Variants in PRDM10 observed in about 807,000 individuals in gnomAD.
PRDM10 encodes the protein PR/SET domain 10, also known as PR domain zinc finger protein 10.
In PRDM10, 65 loss-of-function variants were observed where a neutral mutation model predicts 133.1. The observed-to-expected ratio is 0.49, with a 90% CI of 0.40 to 0.60. PRDM10 has a LOEUF of 0.60. Among genes scored for constraint, PRDM10 ranks in the 20% least tolerant of loss-of-function variants. The pLI is 0.00. For missense variants in PRDM10, 1,137 were observed against 1,507.1 expected (o/e 0.75, Z 4.07); for synonymous variants, 582 against 580.4 (o/e 1.00, Z -0.04).
intron 4 of PRDM10, among the ~76,000 whole-genome samples, chr11:129,950,973 G>T (rs1210489555): frequency 6.6e-6 from 1 of 152,200 alleles, no homozygotes; most frequent in Non-Finnish European, 1.5e-5. Context: ...TGTGGCAAAA[G>T]GAAATGCTTA....
chr11:129,904,072 G>A (rs960195353), intron 20 of PRDM10, among the ~76,000 whole-genome samples: 1 of 147,316 alleles, frequency 6.8e-6, no homozygotes, highest in Non-Finnish European at 1.5e-5. Flanking sequence ...ACAATTAATA[G>A]TGTTACTCTG....
chr11:129,922,281 A>T (rs1950543005), intron 13 of PRDM10, among the ~76,000 whole-genome samples: 1 of 152,214 alleles, frequency 6.6e-6, no homozygotes, highest in Non-Finnish European at 1.5e-5. Context: ...ATCAAAAAAC[A>T]CTGGCTGGAT....
At chr11:129,988,476 C>A (rs1242551936) in intron 1 of PRDM10, among the ~76,000 whole-genome samples, 1 of 151,962 alleles carries the variant, frequency 6.6e-6, no homozygotes, top group African/African-American at 2.4e-5. Flanking sequence ...AAGTGATTCA[C>A]CTGCCTCGGC....
intron 1 of PRDM10, among the ~76,000 whole-genome samples, chr11:129,982,403 C>T (rs1729864340): frequency 6.6e-6 from 1 of 151,952 alleles, no homozygotes; most frequent in African/African-American, 2.4e-5. Context: ...GCTGGGATTA[C>T]AGGTGCCCAC....
rs78224330 is a variant in PRDM10, at chr11:129,937,719, T to G, written c.967-49A>C. 9.7e-4 allele frequency: 1,439 copies of G among 1,489,234 alleles called. 1 individual carries two copies. The highest frequency in any genetic ancestry group is 1.2e-3 in the Non-Finnish European group (1,255 of 1,078,204). The allele number at this position is 1,489,234 out of a possible 1,614,324, so 92.3% of individuals were successfully genotyped here. A position where few individuals can be genotyped will look rare whatever the true frequency, so the allele number is the denominator to read the frequency against. On this transcript the variant is annotated intron_variant, in intron 7 of 20. Transcript: ENST00000360871. ...AAGAACTGGGGACATCACCAGATGT[T>G]CTTTGCATGCTTAAATTATTTCTCC...
intron 11 of PRDM10, among the ~76,000 whole-genome samples, chr11:129,930,789 G>A (rs12272084): frequency 0.049 from 7,509 of 152,222 alleles, 541 homozygotes; most frequent in African/African-American, 0.16. Context: ...CCTCTGTGTC[G>A]TCACTAAATT....
chr11:129,991,542 G>T (rs1938745593), intron 1 of PRDM10, among the ~76,000 whole-genome samples: 1 of 152,140 alleles, frequency 6.6e-6, no homozygotes, highest in Non-Finnish European at 1.5e-5. Context: ...AAATTAGCTG[G>T]ACATGGTGGC....
chr11:129,937,577 A>G (rs747185034), intron 8 of PRDM10, 21 bp downstream of exon 8: 1 of 1,602,104 alleles, frequency 6.2e-7, no homozygotes. Context: ...TAGAAAATGT[A>G]AAACATAAAC....
intron 1 of PRDM10, among the ~76,000 whole-genome samples, chr11:129,973,238 G>T (rs867476564): frequency 6.6e-6 from 1 of 152,154 alleles, no homozygotes; most frequent in Non-Finnish European, 1.5e-5. Context: ...ACCTGCTAGG[G>T]TAAAAAGTGG....
In PRDM10 at chr11:129,960,974, A is replaced by G. The variant is rs1363251029; in HGVS notation, c.-10T>C. 3.7e-6 allele frequency: 6 copies of G among 1,613,936 alleles called. No individual in the cohort carries two copies. The highest frequency in any genetic ancestry group is 1.1e-5 in the South Asian group (1 of 91,068). On this transcript the variant is annotated 5_prime_UTR_variant, in exon 2 of 21. Transcript: ENST00000360871. ...CATCTTTGGAATCCATCTTCTCCCAACTGGACAGCTCCACGTCTGGCACAC... is the reference window on the plus strand; with the variant it reads ...CATCTTTGGAATCCATCTTCTCCCAGCTGGACAGCTCCACGTCTGGCACAC...
rs1591584771 is a variant in PRDM10, at chr11:129,914,803, T to C, written c.2742A>G (p.Gln914=). 1.2e-6 allele frequency: 2 copies of C among 1,614,202 alleles called. No homozygotes were observed. The highest frequency in any genetic ancestry group is 2.2e-5 in the East Asian group (1 of 44,868). The change falls in exon 17 of 21, where the codon CAA becomes CAG. Residue 914 remains glutamine, a synonymous_variant. Transcript: ENST00000360871. ...TGTACTGAATTCTCTGGTAATCCCC[T>C]TGTGGCGTTCGGTAGTCTGTCGTTA... is the stretch of plus-strand genomic sequence containing the variant. The part of the protein sequence containing the change: ...QTLTTDYRTP[Q]GDYQRIQYIP...
chr11:129,899,858 AC>A lies in PRDM10; in HGVS notation c.*2454del, dbSNP rs1275826516. 1 of 152,668 alleles carries A rather than the reference AC, an allele frequency of 6.6e-6. No individual in the cohort carries two copies. Among genetic ancestry groups the A allele is most frequent in the Non-Finnish European group, 1.5e-5 (1 of 68,040 alleles). The allele number at this position is 152,668 out of a possible 1,614,324, so 9.5% of individuals were successfully genotyped here. A position where few individuals can be genotyped will look rare whatever the true frequency, so the allele number is the denominator to read the frequency against. On this transcript the variant is annotated 3_prime_UTR_variant, in exon 21 of 21. Transcript: ENST00000360871. ...TAACAGGATAGGGTCAACATTTTCA[AC>A]CAGTGGGTCAGCTTTAGCATCTCAT...
chr11:129,989,038 C>T lies in PRDM10; in HGVS notation c.-119+13684G>A, dbSNP rs1360439038. Among the ~76,000 whole-genome samples, 7 of 152,266 alleles carry T rather than the reference C, an allele frequency of 4.6e-5. No homozygotes were observed. The East Asian group carries it at 1.4e-3, about 29-fold the overall frequency. Reference sequence around the variant, plus strand: ...GCCTCAAACAGTAGTAAGGATGGGGCTATAAAAGACCACAGGGAAAGTAGA... The same window carrying T: ...GCCTCAAACAGTAGTAAGGATGGGGTTATAAAAGACCACAGGGAAAGTAGA... On this transcript the variant is annotated intron_variant, in intron 1 of 20. Transcript: ENST00000360871.
rs1227568644 is a variant in PRDM10, at chr11:129,902,369, T to G, written c.3415A>C (p.Ile1139Leu). 2 of 1,614,110 alleles carry G rather than the reference T, an allele frequency of 1.2e-6. No homozygotes were observed. Among genetic ancestry groups the G allele is most frequent in the Non-Finnish European group, 1.7e-6 (2 of 1,179,968 alleles). Residue 1139 changes from isoleucine (I) to leucine (L), a missense_variant, in exon 21 of 21, where the codon ATC becomes CTC. By Grantham distance (5) the Ile-to-Leu change is conservative. Coordinates refer to ENST00000360871, the MANE Select transcript of PRDM10 (RefSeq NM_199437.2). Reference protein sequence around the residue: ...NSQQQTTQYIITTTTNGNGSS... With the variant: ...NSQQQTTQYILTTTTNGNGSS... ...CCGTTCCCGTTGGTGGTGGTGGTGA[T>G]GATGTACTGTGTGGTCTGCTGTTGG...
At chr11:129,931,811 G>A (rs1018960530) in intron 10 of PRDM10, among the ~76,000 whole-genome samples, 7 of 151,928 alleles carry the variant, frequency 4.6e-5, no homozygotes, top group African/African-American at 7.3e-5. Flanking sequence ...CTCGTGATCC[G>A]CCCACCTCGG....
chr11:129,944,427 A>G (rs1012665180), intron 6 of PRDM10, among the ~76,000 whole-genome samples: 5 of 152,016 alleles, frequency 3.3e-5, no homozygotes, highest in Non-Finnish European at 7.4e-5. Context: ...CTAAAAATAC[A>G]AAAAGAAATT....
chr11:129,982,257 C>CA (rs1938152092), intron 1 of PRDM10, among the ~76,000 whole-genome samples: 1 of 150,810 alleles, frequency 6.6e-6, no homozygotes, highest in Admixed American at 6.6e-5. Context: ...GACCCTGTCT[C>CA]AAAAAAATGT....
At chr11:129,952,827 G>A (rs991910805) in intron 4 of PRDM10, among the ~76,000 whole-genome samples, 2 of 151,868 alleles carry the variant, frequency 1.3e-5, no homozygotes, top group Non-Finnish European at 2.9e-5. Context: ...GCCAATTCAT[G>A]GCCAATCTTA....
chr11:129,988,942 C>G (rs563307660), intron 1 of PRDM10, among the ~76,000 whole-genome samples: 1 of 152,254 alleles, frequency 6.6e-6, no homozygotes, highest in African/African-American at 2.4e-5. Flanking sequence ...TCAATGCAAA[C>G]TTTCTAGAAA....
Sources: allele counts gnomAD v4.1 joint callset (sites outside exome capture counted in the v4.1 genomes callset), GRCh38; gene constraint gnomAD v4.1.1; transcripts MANE v1.5; gene names NCBI Gene and HGNC (gene_info 2026-07-23, HGNC 2026-07-21).